The following TMEM131L variants were observed in gnomAD, a reference collection of about 807,000 sequenced individuals.
TMEM131L encodes transmembrane 131 like.
A neutral mutation model predicts 192.2 loss-of-function variants in TMEM131L; 54 were observed. The observed-to-expected ratio is 0.28, with a 90% CI of 0.23 to 0.35. TMEM131L has a LOEUF of 0.35. Ranked by LOEUF, TMEM131L falls within the 10% of genes least tolerant of loss-of-function variation. TMEM131L has a pLI of 1.00. For missense variants in TMEM131L, 1,888 were observed against 1,972.9 expected (o/e 0.96, Z 0.82); for synonymous variants, 701 against 704.9 (o/e 0.99, Z 0.09).
At position 153,589,850 on chromosome 4, in the gene TMEM131L, T is replaced by TAC. The variant is rs547138856; in HGVS notation, c.1670+853_1670+854dup. On this transcript the variant is annotated intron_variant, in intron 16 of 34. Coordinates refer to ENST00000409959, the MANE Select transcript of TMEM131L (RefSeq NM_001131007.2). ...CACTTTTGCTTTATTTCTCTATGTG[T>TAC]ACACACACACATAGAAACACATACA... Among the ~76,000 whole-genome samples the TAC allele has an allele frequency of 3.5e-3, 529 of 152,286 alleles. 3 individuals are homozygous for TAC. Among genetic ancestry groups the TAC allele is most frequent in the African/African-American group, 4.8e-3 (198 of 41,568 alleles).
At position 153,594,979 on chromosome 4, in the gene TMEM131L, A is replaced by C. The variant is rs1431431147; in HGVS notation, c.1995+1108A>C. 5.3e-5 allele frequency among the ~76,000 whole-genome samples: 8 copies of C among 152,360 alleles called. No individual in the cohort carries two copies. The East Asian group carries it at 1.5e-3, about 29-fold the overall frequency. On this transcript the variant is annotated intron_variant, in intron 19 of 34. Transcript: ENST00000409959. ...CCAAAAATAATGCCCGTTTATTTTA[A>C]ATCTAAATATTCTATTTAGATGTGA...
chr4:153,523,141 T>C (rs2150161807), intron 3 of TMEM131L, among the ~76,000 whole-genome samples: 1 of 152,382 alleles, frequency 6.6e-6, no homozygotes. Context: ...TTTTTAACTT[T>C]TGTGCCCTTA....
intron 3 of TMEM131L, among the ~76,000 whole-genome samples, chr4:153,509,214 A>T (rs1734189523): frequency 6.6e-6 from 1 of 151,606 alleles, no homozygotes. Flanking sequence ...AACAAAAATT[A>T]ACTGGGCATG....
chr4:153,621,940 G>A (rs1733444793), intron 28 of TMEM131L, 91 bp downstream of exon 28: 1 of 1,247,932 alleles, frequency 8.0e-7, no homozygotes, highest in Non-Finnish European at 1.1e-6. Context: ...ACACCTCAGT[G>A]ATTTTATCTC....
intron 7 of TMEM131L, among the ~76,000 whole-genome samples, chr4:153,571,034 T>C (rs1015200598): frequency 2.0e-5 from 3 of 152,222 alleles, no homozygotes; most frequent in African/African-American, 7.2e-5. Flanking sequence ...AATTTTTTTT[T>C]AACTTTTTGG....
intron 3 of TMEM131L, among the ~76,000 whole-genome samples, chr4:153,510,106 G>A (rs917192808): frequency 1.3e-5 from 2 of 152,126 alleles, no homozygotes; most frequent in African/African-American, 2.4e-5. Flanking sequence ...AAGAATCTGT[G>A]TATGAAATAG....
At chr4:153,568,580 C>G (rs1297286481) in intron 7 of TMEM131L, among the ~76,000 whole-genome samples, 1 of 150,926 alleles carries the variant, frequency 6.6e-6, no homozygotes, top group Non-Finnish European at 1.5e-5. Context: ...GAATTATGCC[C>G]TAATCTTTGT....
rs540585351 is a variant in TMEM131L at position 153,599,725 on chromosome 4, T to C, written c.2266+993T>C. Among the ~76,000 whole-genome samples the C allele has an allele frequency of 3.7e-4, 57 of 152,326 alleles. 1 individual carries two copies. The East Asian group carries it at 9.6e-3, about 26-fold the overall frequency. On this transcript the variant is annotated intron_variant, in intron 21 of 34. Coordinates refer to ENST00000409959, the MANE Select transcript of TMEM131L (RefSeq NM_001131007.2). ...TGATGATGAAAATATTCTGTATCTGTGTCCTCCAAGACAGCCACTAGCCAC... is the reference window on the plus strand; with the variant it reads ...TGATGATGAAAATATTCTGTATCTGCGTCCTCCAAGACAGCCACTAGCCAC...
At chr4:153,601,123 AG>A (rs1731811657) in intron 21 of TMEM131L, among the ~76,000 whole-genome samples, 1 of 151,462 alleles carries the variant, frequency 6.6e-6, no homozygotes, top group African/African-American at 2.4e-5. Flanking sequence ...AAAAAAAAAA[AG>A]ATTTGTTAGT....
chr4:153,497,563 G>A (rs1733264932), intron 3 of TMEM131L, among the ~76,000 whole-genome samples: 1 of 152,044 alleles, frequency 6.6e-6, no homozygotes. Flanking sequence ...GATTAAATTA[G>A]GTCTTACATT....
intron 25 of TMEM131L, among the ~76,000 whole-genome samples, chr4:153,609,354 T>C (rs1183709829): frequency 2.0e-5 from 3 of 152,156 alleles, no homozygotes; most frequent in African/African-American, 7.2e-5. Flanking sequence ...CTCACTATCA[T>C]GAGAACAGCC....
intron 3 of TMEM131L, among the ~76,000 whole-genome samples, chr4:153,504,486 G>T (rs933896053): frequency 1.3e-5 from 2 of 149,784 alleles, no homozygotes; most frequent in Admixed American, 1.3e-4. Flanking sequence ...CACCATGTTG[G>T]TCAGGCTGGT....
intron 12 of TMEM131L, 50 bp from the exon 13 acceptor site, chr4:153,585,405 CTGA>C: frequency 6.4e-7 from 1 of 1,571,826 alleles, no homozygotes; most frequent in Non-Finnish European, 8.7e-7. Flanking sequence ...CATAAGAGGG[CTGA>C]CTGTTGTCCC....
chr4:153,516,314 C>T (rs1271890499), intron 3 of TMEM131L, among the ~76,000 whole-genome samples: 1 of 152,112 alleles, frequency 6.6e-6, no homozygotes, highest in Non-Finnish European at 1.5e-5. Context: ...ACTGCAGCTT[C>T]CACCTCCCAG....
At chr4:153,632,028 A>G (rs1734244440) in intron 31 of TMEM131L, among the ~76,000 whole-genome samples, 1 of 152,044 alleles carries the variant, frequency 6.6e-6, no homozygotes, top group African/African-American at 2.4e-5. Flanking sequence ...AAATCATTGT[A>G]TTTGGCCAGG....
chr4:153,543,567 T>C (rs1295043393), intron 3 of TMEM131L, among the ~76,000 whole-genome samples: 1 of 152,186 alleles, frequency 6.6e-6, no homozygotes, highest in Non-Finnish European at 1.5e-5. Context: ...CCAGTCTGAT[T>C]GTTGGCATGC....
chr4:153,487,490 C>T (rs1580049873), intron 3 of TMEM131L, among the ~76,000 whole-genome samples: 1 of 151,990 alleles, frequency 6.6e-6, no homozygotes, highest in African/African-American at 2.4e-5. Flanking sequence ...GTGGGTTAGG[C>T]CATTGCAGGT....
chr4:153,550,711 C>T (rs769227574), intron 4 of TMEM131L, among the ~76,000 whole-genome samples: 7 of 132,248 alleles, frequency 5.3e-5, no homozygotes, highest in East Asian at 4.4e-4. Context: ...AAAACAAATC[C>T]GGTTATTTTA....
chr4:153,591,268 G>T, intron 17 of TMEM131L, 74 bp downstream of exon 17: 1 of 1,397,190 alleles, frequency 7.2e-7, no homozygotes, highest in Middle Eastern at 1.9e-4. Context: ...ACCAGATTGT[G>T]TCCACCTTTA....
Sources: gnomAD v4.1 joint callset for allele counts (sites outside exome capture counted in the v4.1 genomes callset) on GRCh38, gnomAD v4.1.1 for gene constraint, MANE v1.5 for transcripts, NCBI Gene and HGNC (gene_info 2026-07-23, HGNC 2026-07-21) for gene names.